The following TRPC4AP variants were observed in gnomAD, a reference collection of about 807,000 sequenced individuals.
TRPC4AP encodes short transient receptor potential channel 4-associated protein.
A neutral mutation model predicts 99.0 loss-of-function variants in TRPC4AP; 45 were observed. That is an observed-to-expected ratio of 0.45 (90% CI 0.36 to 0.58). The LOEUF is 0.58. Among genes scored for constraint, TRPC4AP ranks in the 20% least tolerant of loss-of-function variants. The pLI is 0.00. For missense variants in TRPC4AP, 879 were observed against 985.3 expected, an observed-to-expected ratio of 0.89 and a Z score of 1.44; for synonymous variants, 408 against 385.8, an observed-to-expected ratio of 1.06 and a Z score of -0.67.
At chr20:35,032,535 G>C (rs2083226069) in intron 8 of TRPC4AP, among the ~76,000 whole-genome samples, 1 of 142,744 alleles carries the variant, frequency 7.0e-6, no homozygotes, top group African/African-American at 2.6e-5. Context: ...GCAGTGGCAG[G>C]ATCTCGGCTC....
intron 2 of TRPC4AP, among the ~76,000 whole-genome samples, chr20:35,075,301 T>C (rs2084443708): frequency 6.6e-6 from 1 of 152,244 alleles, no homozygotes; most frequent in South Asian, 2.1e-4. Context: ...CCTGTCATTA[T>C]GATGTTAGCT....
Position 35,049,911 on chromosome 20 carries a change from G to A in TRPC4AP, c.612C>T (p.Phe204=), listed in dbSNP as rs367589701. The A allele has an allele frequency of 6.2e-7, 1 of 1,614,016 alleles. No individual in the cohort carries two copies. The highest frequency in any genetic ancestry group is 8.5e-7 in the Non-Finnish European group (1 of 1,179,964). ...CTTCAATGAGGGTTGCTGTTTGTAAGAATGTCTTCTTACTTGTCATCAATG... is the reference window on the plus strand; with the variant it reads ...CTTCAATGAGGGTTGCTGTTTGTAAAAATGTCTTCTTACTTGTCATCAATG... ...LFTLMTSKKT[F]LQTATLIEDI... is the part of the protein sequence containing the mutation. Residue 204 remains phenylalanine, a synonymous_variant, in exon 6 of 19, where the codon TTC becomes TTT. Transcript: ENST00000252015.
At chr20:35,082,019 A>G (rs899222686) in intron 1 of TRPC4AP, among the ~76,000 whole-genome samples, 1 of 152,090 alleles carries the variant, frequency 6.6e-6, no homozygotes, top group African/African-American at 2.4e-5. Flanking sequence ...CAACAACAAC[A>G]AAGTACTACC....
At chr20:35,081,093 GAAGA>G (rs1473287885) in intron 1 of TRPC4AP, among the ~76,000 whole-genome samples, 6 of 151,910 alleles carry the variant, frequency 3.9e-5, no homozygotes, top group East Asian at 1.9e-4. Flanking sequence ...ATATTTAAAA[GAAGA>G]AAGAAGAGAA....
chr20:35,050,501 G>A (rs1280219557), intron 5 of TRPC4AP, among the ~76,000 whole-genome samples: 1 of 152,100 alleles, frequency 6.6e-6, no homozygotes, highest in South Asian at 2.1e-4. Context: ...GATCACTTGA[G>A]GCCAGGAGTT....
Position 35,002,876 on chromosome 20 carries a change from A to C in TRPC4AP, c.*270T>G. ...CAGAGCTAATGCTAAATGTCCTCTT[A>C]CCTCTGGGTGGCCCTGGGCCCCAGG... On this transcript the variant is annotated 3_prime_UTR_variant, in exon 19 of 19. Coordinates refer to ENST00000252015, the MANE Select transcript of TRPC4AP (RefSeq NM_015638.3). 1 of 403,158 alleles carries C rather than the reference A, an allele frequency of 2.5e-6. No individual in the cohort carries two copies. Among genetic ancestry groups the C allele is most frequent in the Non-Finnish European group, 4.5e-6 (1 of 220,472 alleles). The allele number at this position is 403,158 out of a possible 1,614,324, so 25.0% of individuals were successfully genotyped here.
At chr20:35,077,015 G>C (rs968220052) in intron 2 of TRPC4AP, among the ~76,000 whole-genome samples, 1 of 152,168 alleles carries the variant, frequency 6.6e-6, no homozygotes, top group Admixed American at 6.5e-5. Context: ...ATCTCAGACT[G>C]CTGTGCTAGC....
At chr20:35,088,704 G>A (rs2084955408) in intron 1 of TRPC4AP, among the ~76,000 whole-genome samples, 2 of 152,050 alleles carry the variant, frequency 1.3e-5, no homozygotes, top group African/African-American at 4.8e-5. Context: ...CTTAATCTTG[G>A]TCACCCTGCT....
intron 5 of TRPC4AP, among the ~76,000 whole-genome samples, chr20:35,052,392 C>A (rs1440842116): frequency 2.0e-5 from 3 of 152,160 alleles, no homozygotes; most frequent in African/African-American, 7.2e-5. Flanking sequence ...CTGCGCCCAG[C>A]CTAATCATAA....
intron 8 of TRPC4AP, among the ~76,000 whole-genome samples, chr20:35,024,523 T>C (rs919270841): frequency 6.6e-6 from 1 of 152,158 alleles, no homozygotes; most frequent in African/African-American, 2.4e-5. Context: ...TATCCGCTAG[T>C]ATAAATATAT....
At chr20:35,037,642 G>A (rs2083351448) in intron 7 of TRPC4AP, among the ~76,000 whole-genome samples, 1 of 152,166 alleles carries the variant, frequency 6.6e-6, no homozygotes, top group Non-Finnish European at 1.5e-5. Flanking sequence ...TATGCCAAGT[G>A]AAAGAAACCA....
chr20:35,003,134 C>A lies in TRPC4AP; in HGVS notation c.*12G>T. ...ACACTGGCCCAGCAGCCTCCCGAGG[C>A]CTGGCCCAAGGTCACTCCTCAGTGA... On this transcript the variant is annotated 3_prime_UTR_variant, in exon 19 of 19. Coordinates refer to ENST00000252015, the MANE Select transcript of TRPC4AP (RefSeq NM_015638.3). 1 of 1,613,912 alleles carries A rather than the reference C, an allele frequency of 6.2e-7. No individual in the cohort carries two copies. Among genetic ancestry groups the A allele is most frequent in the Non-Finnish European group, 8.5e-7 (1 of 1,179,896 alleles).
chr20:35,003,000 T>TA lies in TRPC4AP; in HGVS notation c.*145dup, dbSNP rs1355744906. On this transcript the variant is annotated 3_prime_UTR_variant, in exon 19 of 19. Transcript: ENST00000252015. ...CAGACCCAGGGGGACCAAGGGCTTC[T>TA]AGGACTTCCCTCCCACCAAGCCTGT... 8.5e-7 allele frequency: 1 copy of TA among 1,182,902 alleles called. No homozygotes were observed. The highest frequency in any genetic ancestry group is 2.3e-5 in the Admixed American group (1 of 44,292). The allele number at this position is 1,182,902 out of a possible 1,614,324, so 73.3% of individuals were successfully genotyped here.
At chr20:35,021,396 T>TGAGG in intron 8 of TRPC4AP, 40 bp from the exon 9 acceptor site, 1 of 1,602,620 alleles carries the variant, frequency 6.2e-7, no homozygotes, top group South Asian at 1.1e-5. Context: ...TCACAGCTTG[T>TGAGG]GAGGAAACAC....
chr20:35,088,328 G>C (rs2084944707), intron 1 of TRPC4AP, among the ~76,000 whole-genome samples: 1 of 152,198 alleles, frequency 6.6e-6, no homozygotes, highest in African/African-American at 2.4e-5. Context: ...ACCAGAGCTA[G>C]GTTTCAAACC....
chr20:35,053,247 T>C (rs1465226174), intron 5 of TRPC4AP, among the ~76,000 whole-genome samples: 1 of 152,204 alleles, frequency 6.6e-6, no homozygotes, highest in Non-Finnish European at 1.5e-5. Flanking sequence ...AACAGAATAT[T>C]ATAAACTAAG....
intron 2 of TRPC4AP, among the ~76,000 whole-genome samples, chr20:35,073,702 A>G (rs560010356): frequency 6.6e-6 from 1 of 152,234 alleles, no homozygotes; most frequent in African/African-American, 2.4e-5. Context: ...TTTTGCATTG[A>G]TGTTCATCAG....
At chr20:35,051,587 C>A (rs1297812664) in intron 5 of TRPC4AP, among the ~76,000 whole-genome samples, 1 of 147,230 alleles carries the variant, frequency 6.8e-6, no homozygotes, top group African/African-American at 2.5e-5. Context: ...TAATACATTT[C>A]GGTTCTTCAG....
intron 4 of TRPC4AP, among the ~76,000 whole-genome samples, chr20:35,055,376 G>A (rs1376720995): frequency 6.6e-6 from 1 of 151,764 alleles, no homozygotes; most frequent in East Asian, 1.9e-4. Flanking sequence ...TGTTTTTTGT[G>A]TTTTTTGGCT....
Sources: allele counts gnomAD v4.1 joint callset (sites outside exome capture counted in the v4.1 genomes callset), GRCh38; gene constraint gnomAD v4.1.1; transcripts MANE v1.5; gene names NCBI Gene and HGNC (gene_info 2026-07-23, HGNC 2026-07-21).